Variants in FGA observed in about 807,000 individuals in gnomAD.
FGA encodes fibrinogen, A alpha polypeptide.
A neutral mutation model predicts 20.3 loss-of-function variants in FGA; 20 were observed. The observed-to-expected ratio is 0.99, with a 90% CI of 0.69 to 1.43. The LOEUF is 1.43. FGA is among the 40% of genes most tolerant of loss of function. The pLI is 0.00. For synonymous variants in FGA, 306 were observed against 281.6 expected (o/e 1.09, Z -0.87); for missense variants, 777 against 784.7 (o/e 0.99, Z 0.12).
intron 4 of FGA, among the ~76,000 whole-genome samples, 166 bp from the exon 5 acceptor site, chr4:154,587,084 A>G (rs1423566412): frequency 6.6e-6 from 1 of 152,186 alleles, no homozygotes; most frequent in African/African-American, 2.4e-5. Context: ...GAGCACCCTC[A>G]GTGGAAGAGA....
intron 3 of FGA, 116 bp from the exon 4 acceptor site, chr4:154,587,773 A>AAGAAAG: frequency 1.5e-6 from 1 of 689,470 alleles, no homozygotes. Context: ...GAAAGAAAGA[A>AAGAAAG]AGAAAGAAAG....
At chr4:154,587,046 A>T in intron 4 of FGA, 128 bp from the exon 5 acceptor site, 1 of 883,516 alleles carries the variant, frequency 1.1e-6, no homozygotes, top group Non-Finnish European at 1.8e-6. Flanking sequence ...GAGACCTACC[A>T]CTTAATATTC....
chr4:154,590,551 G>C (rs1352560951), intron 1 of FGA, 83 bp downstream of exon 1: 18 of 1,152,896 alleles, frequency 1.6e-5, no homozygotes, highest in Admixed American at 5.9e-5. Context: ...TCAGGACATA[G>C]AGCAGGTAGA....
In FGA at chr4:154,585,719, G is replaced by A. The variant is rs545644425; in HGVS notation, c.1710C>T (p.Phe570=). The part of the protein sequence containing the change: ...SSSHHPGIAE[F]PSRGKSSSYS... The stretch of plus-strand genomic sequence containing the variant: ...AACTTGAAGATTTACCACGGGAAGG[G>A]AATTCAGCTATCCCAGGGTGATGAG... The change falls in exon 5 of 5, where the codon TTC becomes TTT. Residue 570 remains phenylalanine (F), a synonymous_variant. Transcript: ENST00000403106. 6.8e-6 allele frequency: 11 copies of A among 1,614,074 alleles called. No individual in the cohort carries two copies. The highest frequency in any genetic ancestry group is 3.4e-6 in the Non-Finnish European group (4 of 1,180,036).
Position 154,588,932 on chromosome 4 carries a change from A to T in FGA, c.225T>A (p.Asp75Glu), listed in dbSNP as rs1578798992. 1 of 1,613,030 alleles carries T rather than the reference A, an allele frequency of 6.2e-7. No homozygotes were observed. The highest frequency in any genetic ancestry group is 8.5e-7 in the Non-Finnish European group (1 of 1,179,114). Reference sequence around the variant, plus strand: ...TGTTTGTAAAATCTTGATTGACTTCATCAATCAACCCTTTCATCCTGCAGC... The same window carrying T: ...TGTTTGTAAAATCTTGATTGACTTCTTCAATCAACCCTTTCATCCTGCAGC... ...PSGCRMKGLI[D>E]EVNQDFTNRI... is the part of the protein sequence containing the mutation. The change falls in exon 3 of 5, where the codon GAT (aspartate) becomes GAA (glutamate). Residue 75 changes from aspartate (D) to glutamate (E), a missense_variant. Asp to Glu is a conservative substitution (Grantham distance 45). Transcript: ENST00000403106.
Position 154,586,059 on chromosome 4 carries a change from G to C in FGA, c.1370C>G (p.Thr457Arg). The C allele has an allele frequency of 6.2e-7, 1 of 1,614,144 alleles. No homozygotes were observed. Among genetic ancestry groups the C allele is most frequent in the South Asian group, 1.1e-5 (1 of 91,062 alleles). The change falls in exon 5 of 5, where the codon ACG becomes AGG. Residue 457 changes from threonine (T) to arginine (R), a missense_variant. By Grantham distance (71) the Thr-to-Arg change is moderately conservative (BLOSUM62 -1). Coordinates refer to ENST00000403106, the MANE Select transcript of FGA (RefSeq NM_021871.4). ...AACGGTTTTAGAGCATGAACGACGC[G>C]TGGTGGTTGTGCTACCAGAGGTGAC... ...EKVTSGSTTT[T>R]RRSCSKTVTK...
chr4:154,584,089 A>AGAAGACAGAGTGCACCCATTCCCACTTC, downstream of FGA: 1 of 1,369,322 alleles, frequency 7.3e-7, no homozygotes, highest in Non-Finnish European at 1.0e-6. Flanking sequence ...TCTCTAGCAA[A>AGAAGACAGAGTGCACCCATTCCCACTTC]GAAGACAGAG....
downstream of FGA, chr4:154,584,601 C>T (rs752951662): frequency 1.2e-6 from 2 of 1,614,138 alleles, no homozygotes; most frequent in Non-Finnish European, 1.7e-6. Flanking sequence ...CATTGCCTAG[C>T]CAGAATTCTC....
chr4:154,586,989 G>A (rs1730744472), intron 4 of FGA, 71 bp from the exon 5 acceptor site: 51 of 1,480,084 alleles, frequency 3.4e-5, no homozygotes, highest in Non-Finnish European at 4.7e-5. Context: ...TTGAGTTCCT[G>A]GTAGTTAATT....
At position 154,588,794 on chromosome 4, in the gene FGA, A is replaced by C; in HGVS notation, c.363T>G (p.Asn121Lys). 1 of 1,602,524 alleles carries C rather than the reference A, an allele frequency of 6.2e-7. No individual in the cohort carries two copies. Among genetic ancestry groups the C allele is most frequent in the Non-Finnish European group, 8.5e-7 (1 of 1,171,056 alleles). Residue 121 changes from asparagine to lysine, a missense_variant and splice_region_variant, in exon 3 of 5, where the codon AAT becomes AAG. Coordinates refer to ENST00000403106, the MANE Select transcript of FGA (RefSeq NM_021871.4). Reference protein sequence around the residue: ...EILRGDFSSANNRDNTYNRVS... With the variant: ...EILRGDFSSAKNRDNTYNRVS... The stretch of plus-strand genomic sequence containing the variant: ...AAGCAGTAAATATGTAATACTTACT[A>C]TTGGCTGAGGAAAAATCGCCTCTCA...
chr4:154,586,328 G>A lies in FGA; in HGVS notation c.1101C>T (p.Arg367=), dbSNP rs747858344. The change falls in exon 5 of 5, where the codon CGC becomes CGT. Residue 367 remains arginine, a synonymous_variant. Coordinates refer to ENST00000403106, the MANE Select transcript of FGA (RefSeq NM_021871.4). ...TGTWNPGSSE[R]GSAGHWTSES... The stretch of plus-strand genomic sequence containing the variant: ...CAGAGGTCCAGTGCCCAGCACTTCC[G>A]CGTTCAGAGCTGCCAGGATTCCAGG... The A allele has an allele frequency of 2.0e-5, 32 of 1,614,010 alleles. No homozygotes were observed. Among genetic ancestry groups the A allele is most frequent in the Non-Finnish European group, 2.5e-5 (30 of 1,180,012 alleles).
At position 154,586,362 on chromosome 4, in the gene FGA, C is replaced by A; in HGVS notation, c.1067G>T (p.Ser356Ile). The A allele has an allele frequency of 6.2e-7, 1 of 1,614,206 alleles. No individual in the cohort carries two copies. The highest frequency in any genetic ancestry group is 1.1e-5 in the South Asian group (1 of 91,086). Residue 356 changes from serine to isoleucine, a missense_variant, in exon 5 of 5, where the codon AGT (serine) becomes ATT (isoleucine). Transcript: ENST00000403106. ...NQNPGSPRPGSTGTWNPGSSE... is the reference protein window; with the variant it reads ...NQNPGSPRPGITGTWNPGSSE... ...GCTGCCAGGATTCCAGGTTCCGGTA[C>A]TACCAGGTCTAGGGCTCCCAGGGTT... is the stretch of plus-strand genomic sequence containing the variant.
rs772392823 is a variant in FGA at position 154,589,419 on chromosome 4, C to T, written c.180+18G>A. ...ATCAGAGGGAAGGAATCTCCTGCTT[C>T]CCCCGCTGACTGCTTACCCAGTCTT... On this transcript the variant is annotated intron_variant, in intron 2 of 4. Transcript: ENST00000403106. The T allele has an allele frequency of 5.0e-6, 8 of 1,613,412 alleles. No individual in the cohort carries two copies. Among genetic ancestry groups the T allele is most frequent in the Non-Finnish European group, 2.5e-6 (3 of 1,179,936 alleles).
At chr4:154,584,782 A>C, downstream of FGA, 1 of 1,614,128 alleles carries the variant, frequency 6.2e-7, no homozygotes, top group Non-Finnish European at 8.5e-7. Flanking sequence ...CTTGATATTG[A>C]AAATGCCACT....
At position 154,585,859 on chromosome 4, in the gene FGA, A is replaced by C; in HGVS notation, c.1570T>G (p.Ser524Ala). 6.2e-7 allele frequency: 1 copy of C among 1,614,160 alleles called. No homozygotes were observed. The highest frequency in any genetic ancestry group is 8.5e-7 in the Non-Finnish European group (1 of 1,180,014). Reference protein sequence around the residue: ...PDEAAFFDTASTGKTFPGFFS... With the variant: ...PDEAAFFDTAATGKTFPGFFS... The stretch of plus-strand genomic sequence containing the variant: ...AAACCTGGGAATGTTTTTCCAGTTG[A>C]GGCAGTGTCGAAGAAGGCAGCTTCA... The change falls in exon 5 of 5, where the codon TCA becomes GCA. Residue 524 changes from serine (S) to alanine (A), a missense_variant. Coordinates refer to ENST00000403106, the MANE Select transcript of FGA (RefSeq NM_021871.4).
In FGA at chr4:154,585,991, T is replaced by C; in HGVS notation, c.1438A>G (p.Lys480Glu). Residue 480 changes from lysine (K) to glutamate (E), a missense_variant, in exon 5 of 5, where the codon AAA becomes GAA. Transcript: ENST00000403106. Reference sequence around the variant, plus strand: ...CCATCTTCGGAGGTCACCACTTCTTTGGTAACTTCTTTGTGACCATCAGGA... The same window carrying C: ...CCATCTTCGGAGGTCACCACTTCTTCGGTAACTTCTTTGTGACCATCAGGA... Reference protein sequence around the residue: ...IGPDGHKEVTKEVVTSEDGSD... With the variant: ...IGPDGHKEVTEEVVTSEDGSD... 2 of 1,614,146 alleles carry C rather than the reference T, an allele frequency of 1.2e-6. No individual in the cohort carries two copies. The highest frequency in any genetic ancestry group is 1.7e-6 in the Non-Finnish European group (2 of 1,179,970).
downstream of FGA, chr4:154,584,327 C>A: frequency 6.2e-7 from 1 of 1,614,128 alleles, no homozygotes; most frequent in South Asian, 1.1e-5. Flanking sequence ...TAGACTTCTG[C>A]ACAGTTCTCT....
At chr4:154,584,826 A>C (rs200882978), downstream of FGA, 10 of 1,610,796 alleles carry the variant, frequency 6.2e-6, no homozygotes, top group African/African-American at 1.1e-4. Context: ...GGAGGACATC[A>C]TCACAGTCTA....
chr4:154,585,195 T>C (rs1578794362), downstream of FGA: 4 of 1,281,800 alleles, frequency 3.1e-6, no homozygotes, highest in East Asian at 1.4e-4. Flanking sequence ...GATTAATCAG[T>C]TGGGTGACAA....
Sources: gnomAD v4.1 joint callset for allele counts (sites outside exome capture counted in the v4.1 genomes callset) on GRCh38, gnomAD v4.1.1 for gene constraint, MANE v1.5 for transcripts, NCBI Gene and HGNC (gene_info 2026-07-23, HGNC 2026-07-21) for gene names.